Variants in SPAG16 observed in about 807,000 individuals in gnomAD.
SPAG16 encodes the protein sperm associated antigen 16, also known as sperm-associated antigen 16 protein.
Under a neutral mutation model 80.4 loss-of-function variants are expected in SPAG16, and 86 were observed. The ratio of observed to expected loss-of-function variants is 1.07; its 90% CI spans 0.90 to 1.28. SPAG16 has a LOEUF of 1.28. SPAG16 is among the 50% of genes most tolerant of loss of function. The pLI is 0.00. For missense variants in SPAG16, 870 were observed against 765.3 expected, an observed-to-expected ratio of 1.14 and a Z score of -1.61; for synonymous variants, 294 against 265.9, an observed-to-expected ratio of 1.11 and a Z score of -1.03.
intron 10 of SPAG16, among the ~76,000 whole-genome samples, chr2:213,707,953 T>C (rs1418466755): frequency 6.6e-6 from 1 of 152,102 alleles, no homozygotes; most frequent in African/African-American, 2.4e-5. Context: ...GTAATGAAAA[T>C]GTTTTTATCT....
intron 8 of SPAG16, among the ~76,000 whole-genome samples, chr2:213,365,578 C>T (rs549528548): frequency 6.6e-6 from 1 of 151,884 alleles, no homozygotes; most frequent in African/African-American, 2.4e-5. Context: ...GTGCCTCAGC[C>T]TCTCCAGTAG....
chr2:213,998,511 AC>A (rs774022957), intron 12 of SPAG16, among the ~76,000 whole-genome samples: 28 of 152,074 alleles, frequency 1.8e-4, no homozygotes, highest in Non-Finnish European at 3.8e-4. Context: ...AGTCCAATAA[AC>A]CTTTTTTTCT....
chr2:213,704,990 C>G (rs1223532125), intron 10 of SPAG16, among the ~76,000 whole-genome samples: 1 of 152,104 alleles, frequency 6.6e-6, no homozygotes, highest in Non-Finnish European at 1.5e-5. Flanking sequence ...CATGGGCTTG[C>G]GCCTGTAATC....
chr2:213,346,310 A>G (rs942081439), intron 6 of SPAG16, among the ~76,000 whole-genome samples: 3 of 152,158 alleles, frequency 2.0e-5, no homozygotes, highest in African/African-American at 7.2e-5. Flanking sequence ...CTAGATATAC[A>G]ATCATGTCAT....
chr2:213,512,756 A>G (rs561184773), intron 10 of SPAG16, among the ~76,000 whole-genome samples: 4 of 152,258 alleles, frequency 2.6e-5, no homozygotes, highest in Non-Finnish European at 4.4e-5. Flanking sequence ...CTTTCTGCTG[A>G]ACAGATTATA....
chr2:213,571,375 C>A (rs1317508155), intron 10 of SPAG16, among the ~76,000 whole-genome samples: 1 of 13,246 alleles, frequency 7.5e-5, no homozygotes, highest in African/African-American at 4.6e-4. Context: ...GCGGCTGGTA[C>A]CGGTTGTTCT....
At chr2:213,832,059 C>G (rs1429951430) in intron 10 of SPAG16, among the ~76,000 whole-genome samples, 1 of 151,920 alleles carries the variant, frequency 6.6e-6, no homozygotes, top group Non-Finnish European at 1.5e-5. Context: ...TGCAGTGGCA[C>G]AATCTTGGCT....
chr2:213,444,123 C>T (rs775372390), intron 9 of SPAG16, among the ~76,000 whole-genome samples: 3 of 152,250 alleles, frequency 2.0e-5, no homozygotes, highest in African/African-American at 4.8e-5. Context: ...GAGACACAAA[C>T]GCTGAATCAT....
At chr2:213,851,551 C>G (rs2074909160) in intron 10 of SPAG16, among the ~76,000 whole-genome samples, 1 of 152,104 alleles carries the variant, frequency 6.6e-6, no homozygotes, top group Admixed American at 6.6e-5. Context: ...TTACAATGTT[C>G]TATAACATGG....
chr2:214,404,720 G>A (rs1375209337), intron 15 of SPAG16, among the ~76,000 whole-genome samples: 1 of 152,080 alleles, frequency 6.6e-6, no homozygotes, highest in Non-Finnish European at 1.5e-5. Context: ...GATTGAAGGT[G>A]GAGAGGGAGG....
At chr2:214,134,865 C>A (rs1343483588) in intron 14 of SPAG16, among the ~76,000 whole-genome samples, 1 of 152,174 alleles carries the variant, frequency 6.6e-6, no homozygotes, top group Non-Finnish European at 1.5e-5. Context: ...GGAATTTTTA[C>A]ACATTGTTAA....
intron 5 of SPAG16, among the ~76,000 whole-genome samples, chr2:213,325,640 G>T (rs1330254844): frequency 6.6e-6 from 1 of 151,724 alleles, no homozygotes; most frequent in Non-Finnish European, 1.5e-5. Context: ...GTGTGTGTGT[G>T]TGTGCATATC....
chr2:213,800,878 A>G (rs2071353772), intron 10 of SPAG16, among the ~76,000 whole-genome samples: 1 of 152,184 alleles, frequency 6.6e-6, no homozygotes, highest in Non-Finnish European at 1.5e-5. Flanking sequence ...ACCAAGTGTC[A>G]TGTGTTTTGC....
chr2:214,221,631 G>A (rs2058571775), intron 15 of SPAG16, among the ~76,000 whole-genome samples: 1 of 151,852 alleles, frequency 6.6e-6, no homozygotes, highest in Non-Finnish European at 1.5e-5. Flanking sequence ...CATCTCTTTA[G>A]CTTTTGACCC....
At chr2:213,285,037 A>G (rs913342052) in intron 1 of SPAG16, among the ~76,000 whole-genome samples, 1 of 152,234 alleles carries the variant, frequency 6.6e-6, no homozygotes, top group African/African-American at 2.4e-5. Flanking sequence ...GACTAGGGAA[A>G]GACCTCTGCC....
intron 15 of SPAG16, among the ~76,000 whole-genome samples, chr2:214,356,061 T>C (rs921105601): frequency 2.7e-5 from 4 of 146,826 alleles, no homozygotes; most frequent in Non-Finnish European, 6.0e-5. Context: ...TTAGGAGATA[T>C]ACCTAATGCT....
intron 9 of SPAG16, among the ~76,000 whole-genome samples, chr2:213,449,230 G>A (rs1311447492): frequency 3.9e-5 from 6 of 152,036 alleles, no homozygotes; most frequent in Non-Finnish European, 8.8e-5. Flanking sequence ...TGGTCAGACC[G>A]GTTCTCTGCT....
At chr2:213,297,083 A>C in intron 2 of SPAG16, 179 bp from the exon 3 acceptor site, 1 of 1,451,000 alleles carries the variant, frequency 6.9e-7, no homozygotes, top group East Asian at 2.9e-5. Flanking sequence ...ATTGACATTT[A>C]CAAGGAAGTC....
intron 10 of SPAG16, among the ~76,000 whole-genome samples, chr2:213,723,349 G>A (rs2066613213): frequency 6.6e-6 from 1 of 152,130 alleles, no homozygotes; most frequent in African/African-American, 2.4e-5. Flanking sequence ...GTTGTTCAGG[G>A]TAAAATCTTA....
Sources: gnomAD v4.1 joint callset for allele counts (sites outside exome capture counted in the v4.1 genomes callset) on GRCh38, gnomAD v4.1.1 for gene constraint, MANE v1.5 for transcripts, NCBI Gene and HGNC (gene_info 2026-07-23, HGNC 2026-07-21) for gene names.